ARID1B: variants seen among roughly 807,000 people sequenced by gnomAD.
The protein encoded by ARID1B is AT-rich interaction domain 1B.
A neutral mutation model predicts 212.3 loss-of-function variants in ARID1B; 30 were observed. That is an observed-to-expected ratio of 0.14 (90% CI 0.11 to 0.19). The LOEUF (loss-of-function observed/expected upper bound fraction) is 0.19, where lower values mean the gene tolerates loss of function less well. ARID1B is among the 10% of genes least tolerant of loss of function. The probability of loss-of-function intolerance (pLI) is 1.00; values close to 1 mark genes in which losing one functional copy is unlikely to be tolerated. For missense variants in ARID1B, 2,891 were observed against 3,204.0 expected, an observed-to-expected ratio of 0.90 and a Z score of 2.36; for synonymous variants, 1,402 against 1,301.7, an observed-to-expected ratio of 1.08 and a Z score of -1.66.
At chr6:157,108,567 G>A (rs1163450433) in intron 5 of ARID1B, among the ~76,000 whole-genome samples, 1 of 152,182 alleles carries the variant, frequency 6.6e-6, no homozygotes, top group Non-Finnish European at 1.5e-5. Flanking sequence ...ATAGATTGGA[G>A]GCCTTAGGGT....
rs143370913 is a variant in ARID1B, at chr6:156,829,377, C to T, written c.1942C>T (p.Arg648Trp). Residue 648 changes from arginine (R) to tryptophan (W), a missense_variant, in exon 2 of 20, where the codon CGG (arginine) becomes TGG (tryptophan). Around this residue, in one of 7 missense-constraint regions of ARID1B, gnomAD observed 1,643 missense variants for 1,544.0 expected, o/e 1.06. Coordinates refer to ENST00000636930, the MANE Select transcript of ARID1B (RefSeq NM_001374828.1). The stretch of plus-strand genomic sequence containing the variant: ...GCGGTATCCAATTGGCATCCAGGGT[C>T]GGACTCCCGGGGCCATGGCCGGAAT... ...PQRYPIGIQG[R>W]TPGAMAGMQY... 6 of 1,614,052 alleles carry T rather than the reference C, an allele frequency of 3.7e-6. No homozygotes were observed. The African/African-American group carries it at 4.0e-5, about 11-fold the overall frequency.
At chr6:157,127,213 A>G (rs960078860) in intron 6 of ARID1B, among the ~76,000 whole-genome samples, 12 of 152,232 alleles carry the variant, frequency 7.9e-5, no homozygotes, top group Middle Eastern at 3.4e-3. Context: ...CCCTACAACT[A>G]TTGAGCGCAG....
chr6:157,149,365 C>T (rs1174205446), intron 8 of ARID1B: 1 of 189,588 alleles, frequency 5.3e-6, no homozygotes. Flanking sequence ...TTTTTTTCAC[C>T]CTACCACAAG....
intron 8 of ARID1B, among the ~76,000 whole-genome samples, chr6:157,163,296 G>T (rs1002823897): frequency 6.6e-6 from 1 of 152,150 alleles, no homozygotes; most frequent in African/African-American, 2.4e-5. Flanking sequence ...GGAGCTTTTT[G>T]TTGTGAGCCA....
At chr6:156,858,418 A>G (rs1562440095) in intron 2 of ARID1B, among the ~76,000 whole-genome samples, 3 of 152,352 alleles carry the variant, frequency 2.0e-5, no homozygotes, top group South Asian at 4.1e-4. Flanking sequence ...GTTTGAGGTG[A>G]TGGATATATT....
chr6:156,939,637 C>G (rs945085014), intron 4 of ARID1B: 3 of 152,086 alleles, frequency 2.0e-5, no homozygotes, highest in African/African-American at 7.2e-5. Flanking sequence ...CACCTGTGCT[C>G]TCTGTGCTGG....
chr6:157,115,220 G>GT (rs1787246112), intron 6 of ARID1B, among the ~76,000 whole-genome samples: 2 of 152,082 alleles, frequency 1.3e-5, no homozygotes, highest in African/African-American at 4.8e-5. Flanking sequence ...GAAAATAACT[G>GT]TGAGTTTCTA....
At chr6:156,951,245 C>T (rs919160500) in intron 4 of ARID1B, among the ~76,000 whole-genome samples, 3 of 151,978 alleles carry the variant, frequency 2.0e-5, no homozygotes, top group African/African-American at 7.3e-5. Context: ...TACAGTAAAA[C>T]GTTTGTATAA....
intron 6 of ARID1B, among the ~76,000 whole-genome samples, chr6:157,115,488 G>A (rs994619342): frequency 2.2e-4 from 34 of 152,262 alleles, no homozygotes; most frequent in African/African-American, 5.5e-4. Flanking sequence ...GTGCAGTGGC[G>A]CAATCTCAGC....
At chr6:157,065,172 A>G (rs911306651) in intron 4 of ARID1B, among the ~76,000 whole-genome samples, 1 of 152,264 alleles carries the variant, frequency 6.6e-6, no homozygotes, top group Non-Finnish European at 1.5e-5. Flanking sequence ...AGTCAAAGTC[A>G]TGAAGAATAT....
intron 1 of ARID1B, among the ~76,000 whole-genome samples, chr6:156,822,951 CAG>C (rs1782462205): frequency 6.6e-6 from 1 of 152,194 alleles, no homozygotes; most frequent in African/African-American, 2.4e-5. Flanking sequence ...CAGGGAAAAA[CAG>C]AGGCATTTTG....
chr6:156,949,775 G>T (rs1321426156), intron 4 of ARID1B, among the ~76,000 whole-genome samples: 1 of 152,120 alleles, frequency 6.6e-6, no homozygotes, highest in East Asian at 1.9e-4. Context: ...CTGCACAGAA[G>T]AACATAAAGA....
At chr6:157,112,622 G>T (rs913414573) in intron 6 of ARID1B, among the ~76,000 whole-genome samples, 1 of 152,174 alleles carries the variant, frequency 6.6e-6, no homozygotes, top group African/African-American at 2.4e-5. Flanking sequence ...AACCCTCTCA[G>T]ATCCTTGAAC....
At chr6:156,899,090 T>G (rs955091914) in intron 2 of ARID1B, among the ~76,000 whole-genome samples, 2 of 152,182 alleles carry the variant, frequency 1.3e-5, no homozygotes, top group African/African-American at 4.8e-5. Flanking sequence ...GCACTACAAC[T>G]TCTAGTTTAA....
At chr6:157,039,611 T>C (rs1244177678) in intron 4 of ARID1B, among the ~76,000 whole-genome samples, 1 of 145,900 alleles carries the variant, frequency 6.9e-6, no homozygotes, top group Non-Finnish European at 1.5e-5. Flanking sequence ...TTCCAAAAGC[T>C]ACCTACCTTC....
intron 2 of ARID1B, among the ~76,000 whole-genome samples, chr6:156,869,347 G>A (rs1268073587): frequency 1.3e-5 from 2 of 152,092 alleles, no homozygotes; most frequent in Non-Finnish European, 1.5e-5. Context: ...TCAACATCTG[G>A]CCATAAAAGC....
At chr6:156,824,145 A>G (rs1782582285) in intron 1 of ARID1B, among the ~76,000 whole-genome samples, 1 of 152,238 alleles carries the variant, frequency 6.6e-6, no homozygotes, top group Non-Finnish European at 1.5e-5. Flanking sequence ...TGTACATCCA[A>G]AAGTTTACTT....
intron 4 of ARID1B, among the ~76,000 whole-genome samples, chr6:156,969,892 C>CTTT (rs201337033): frequency 3.0e-5 from 4 of 134,500 alleles, no homozygotes; most frequent in African/African-American, 5.4e-5. Flanking sequence ...TTATATAATG[C>CTTT]TTTTTTTTTT....
chr6:157,190,063 C>T lies in ARID1B; in HGVS notation c.4084C>T (p.Pro1362Ser). 5 of 1,614,134 alleles carry T rather than the reference C, an allele frequency of 3.1e-6. No individual in the cohort carries two copies. Among genetic ancestry groups the T allele is most frequent in the Non-Finnish European group, 4.2e-6 (5 of 1,180,000 alleles). The stretch of plus-strand genomic sequence containing the variant: ...AAGCAGTACAATCAGTGTGCACGAC[C>T]CATTCTCAGATGTGAGTGATTCATC... Reference protein sequence around the residue: ...GRSSTISVHDPFSDVSDSSFP... With the variant: ...GRSSTISVHDSFSDVSDSSFP... Residue 1362 changes from proline (P) to serine (S), a missense_variant, in exon 15 of 20, where the codon CCA becomes TCA. Around this residue, in one of 7 missense-constraint regions of ARID1B, gnomAD observed 666 missense variants for 873.5 expected, o/e 0.76. Coordinates refer to ENST00000636930, the MANE Select transcript of ARID1B (RefSeq NM_001374828.1). This position sits in a 1 kb window ranked among gnomAD's most constrained non-coding sequence, Gnocchi z 4.6.
Sources: allele counts gnomAD v4.1 joint callset (sites outside exome capture counted in the v4.1 genomes callset), GRCh38; gene constraint gnomAD v4.1.1; regional missense constraint gnomAD v4.1.1; non-coding constraint Gnocchi (gnomAD v3.1); transcripts MANE v1.5; gene names NCBI Gene and HGNC (gene_info 2026-07-23, HGNC 2026-07-21).